The following GRIK2 variants were observed in gnomAD, a reference collection of about 807,000 sequenced individuals.
GRIK2 encodes the protein glutamate receptor ionotropic, kainate 2.
GRIK2 carries 32 observed loss-of-function variants against 100.3 expected under a neutral mutation model. That is an observed-to-expected ratio of 0.32 (90% CI 0.24 to 0.43). The LOEUF (loss-of-function observed/expected upper bound fraction) is 0.43, where lower values mean the gene tolerates loss of function less well. GRIK2 is among the 20% of genes least tolerant of loss of function. GRIK2 has a pLI of 1.00. For synonymous variants in GRIK2, 417 were observed against 389.4 expected, an observed-to-expected ratio of 1.07 and a Z score of -0.83; for missense variants, 843 against 1,114.9, an observed-to-expected ratio of 0.76 and a Z score of 3.47.
rs1459288940 is a variant in GRIK2 at position 101,728,724 on chromosome 6, A to C, written c.951+42371A>C. Among the ~76,000 whole-genome samples the C allele has an allele frequency of 4.6e-5, 7 of 152,138 alleles. No individual in the cohort carries two copies. In the East Asian group the frequency reaches 1.2e-3, roughly 25 times the overall value. On this transcript the variant is annotated intron_variant, in intron 7 of 16. Transcript: ENST00000369134. The stretch of plus-strand genomic sequence containing the variant: ...TATACATGTTGCCTTAATTGACTGA[A>C]ATATCTATGACAAGTGTAATTCTGT...
intron 14 of GRIK2, among the ~76,000 whole-genome samples, chr6:101,961,352 C>G (rs184540210): frequency 1.3e-5 from 2 of 152,076 alleles, no homozygotes; most frequent in East Asian, 3.9e-4. Flanking sequence ...GAGGGATGGA[C>G]TCCACCATTC....
chr6:101,858,170 T>C (rs1287127502), intron 10 of GRIK2, among the ~76,000 whole-genome samples: 1 of 152,164 alleles, frequency 6.6e-6, no homozygotes, highest in Non-Finnish European at 1.5e-5. Flanking sequence ...TTTTATGTTT[T>C]TATACCACTT....
At chr6:102,034,253 C>A (rs1770146729) in intron 14 of GRIK2, among the ~76,000 whole-genome samples, 1 of 151,340 alleles carries the variant, frequency 6.6e-6, no homozygotes, top group Non-Finnish European at 1.5e-5. Flanking sequence ...ATCATTGAAA[C>A]AGTGCCAGGA....
At chr6:101,628,540 G>T (rs1780565695) in intron 4 of GRIK2, among the ~76,000 whole-genome samples, 1 of 151,928 alleles carries the variant, frequency 6.6e-6, no homozygotes, top group Admixed American at 6.6e-5. Context: ...TTCCAATTTT[G>T]AATGTCAGGT....
chr6:101,550,725 T>G (rs1776471988), intron 2 of GRIK2, among the ~76,000 whole-genome samples: 1 of 152,200 alleles, frequency 6.6e-6, no homozygotes, highest in African/African-American at 2.4e-5. Flanking sequence ...GAATAGCATG[T>G]GCCTGCATAT....
chr6:101,750,426 T>C (rs149670372), intron 7 of GRIK2, among the ~76,000 whole-genome samples: 29 of 152,274 alleles, frequency 1.9e-4, no homozygotes, highest in Admixed American at 5.2e-4. Flanking sequence ...TAAATGTGTT[T>C]GAAAACCATT....
intron 4 of GRIK2, among the ~76,000 whole-genome samples, chr6:101,635,919 CA>C (rs532729151): frequency 1.3e-3 from 196 of 152,228 alleles, no homozygotes; most frequent in Non-Finnish European, 2.4e-3. Context: ...TAAATTAGTT[CA>C]ACCATTGTGG....
intron 2 of GRIK2, among the ~76,000 whole-genome samples, chr6:101,455,449 G>C (rs556367438): frequency 5.9e-4 from 90 of 152,040 alleles, no homozygotes; most frequent in African/African-American, 2.1e-3. Context: ...TTATTTTCTA[G>C]TTTCCTCAAT....
intron 15 of GRIK2, among the ~76,000 whole-genome samples, chr6:102,038,758 T>C (rs1770413753): frequency 6.6e-6 from 1 of 151,346 alleles, no homozygotes; most frequent in Non-Finnish European, 1.5e-5. Context: ...AGCAGAGCAA[T>C]ATGGGCTAAG....
At chr6:101,494,097 C>T (rs1455956622) in intron 2 of GRIK2, among the ~76,000 whole-genome samples, 2 of 148,518 alleles carry the variant, frequency 1.3e-5, no homozygotes, top group Non-Finnish European at 3.0e-5. Context: ...TTTATATACA[C>T]AGCAGAAACA....
At position 101,903,172 on chromosome 6, in the gene GRIK2, T is replaced by C. The variant is rs1009028103; in HGVS notation, c.1748+13309T>C. ...GATGCTTCCTCTCTGTATATCTTAT[T>C]AACTAGAATTATTTTGCTTAGATCG... On this transcript the variant is annotated intron_variant, in intron 12 of 16. Transcript: ENST00000369134. 4.6e-5 allele frequency among the ~76,000 whole-genome samples: 7 copies of C among 152,016 alleles called. No individual in the cohort carries two copies. In the South Asian group the frequency reaches 1.2e-3, roughly 27 times the overall value.
chr6:101,582,593 G>A (rs1056757715), intron 2 of GRIK2, among the ~76,000 whole-genome samples: 2 of 152,020 alleles, frequency 1.3e-5, no homozygotes, highest in African/African-American at 4.8e-5. Context: ...CTTCAAAGCA[G>A]CATGAGAATG....
At chr6:101,619,179 AG>A (rs1283237311) in intron 2 of GRIK2, among the ~76,000 whole-genome samples, 4 of 151,000 alleles carry the variant, frequency 2.6e-5, no homozygotes, top group Admixed American at 1.3e-4. Flanking sequence ...TCCACATACA[AG>A]GGGTAATAAG....
intron 7 of GRIK2, among the ~76,000 whole-genome samples, chr6:101,747,889 T>G (rs546293531): frequency 6.6e-6 from 1 of 152,292 alleles, no homozygotes; most frequent in Non-Finnish European, 1.5e-5. Flanking sequence ...CAATCTTATC[T>G]TACTTTGTTC....
chr6:101,776,810 G>C (rs1184705231), intron 7 of GRIK2, among the ~76,000 whole-genome samples: 1 of 152,132 alleles, frequency 6.6e-6, no homozygotes. Context: ...GTTATTATAT[G>C]TTAATTTCCT....
chr6:101,969,882 C>T (rs147895378), intron 14 of GRIK2, among the ~76,000 whole-genome samples: 16 of 152,084 alleles, frequency 1.1e-4, no homozygotes, highest in Non-Finnish European at 1.9e-4. Context: ...CTTAAAACCA[C>T]CATATTAACC....
intron 12 of GRIK2, 140 bp downstream of exon 12, chr6:101,890,003 A>G (rs923488612): frequency 3.2e-6 from 2 of 625,916 alleles, no homozygotes; most frequent in Admixed American, 5.7e-5. Context: ...AATTTTAAGA[A>G]TCACATTCAT....
At chr6:101,703,086 G>C (rs1562321644) in intron 7 of GRIK2, among the ~76,000 whole-genome samples, 1 of 151,960 alleles carries the variant, frequency 6.6e-6, no homozygotes, top group Non-Finnish European at 1.5e-5. Flanking sequence ...TATTTGTTGA[G>C]TGAAGGAAGG....
chr6:101,916,175 A>G (rs902527002), intron 12 of GRIK2, among the ~76,000 whole-genome samples: 1 of 151,554 alleles, frequency 6.6e-6, no homozygotes, highest in Non-Finnish European at 1.5e-5. Flanking sequence ...TAATTTTAAC[A>G]TTTGAAATAT....
Sources: gnomAD v4.1 joint callset for allele counts (sites outside exome capture counted in the v4.1 genomes callset) on GRCh38, gnomAD v4.1.1 for gene constraint, MANE v1.5 for transcripts, NCBI Gene and HGNC (gene_info 2026-07-23, HGNC 2026-07-21) for gene names.